Variants in ZNF561 observed in about 807,000 individuals in gnomAD.
The protein encoded by ZNF561 is zinc finger protein 561.
A neutral mutation model predicts 16.7 loss-of-function variants in ZNF561; 16 were observed. The observed-to-expected ratio is 0.96, with a 90% CI of 0.65 to 1.45. The LOEUF is 1.45. Among genes scored for constraint, ZNF561 ranks in the 40% most tolerant of loss-of-function variants. The pLI is 0.00. For synonymous variants in ZNF561, 190 were observed against 192.1 expected (o/e 0.99, Z 0.09); for missense variants, 580 against 578.0 (o/e 1.00, Z -0.04).
intron 4 of ZNF561, among the ~76,000 whole-genome samples, chr19:9,614,968 A>C (rs2074528206): frequency 6.6e-6 from 1 of 151,036 alleles, no homozygotes; most frequent in Non-Finnish European, 1.5e-5. Context: ...CCTCTTGACT[A>C]GCTGGGACTA....
In ZNF561 at chr19:9,618,134, T is replaced by A; in HGVS notation, c.71A>T (p.Lys24Met). The part of the protein sequence containing the change: ...EPICPFEEKT[K>M]VERMVEDYLA... ...GTAGTCCTCCACCATCCTTTCTACC[T>A]TTGTCTTTTCTTCAAAAGGGCAGAT... Residue 24 changes from lysine to methionine, a missense_variant, in exon 3 of 6, where the codon AAG becomes ATG. Coordinates refer to ENST00000302851, the MANE Select transcript of ZNF561 (RefSeq NM_152289.3). 6.4e-7 allele frequency: 1 copy of A among 1,551,278 alleles called. No individual in the cohort carries two copies. The highest frequency in any genetic ancestry group is 8.7e-7 in the Non-Finnish European group (1 of 1,146,672).
rs150871185 is a variant in ZNF561, at chr19:9,620,295, G to C, written c.-126-713C>G. Among the ~76,000 whole-genome samples, 227 of 152,102 alleles carry C rather than the reference G, an allele frequency of 1.5e-3. 4 individuals carry two copies. In the East Asian group the frequency reaches 0.028, roughly 19 times the overall value. ...AGTAGAGACGCAGTTTCGCCATATT[G>C]GCCAGGCTGGTCTTGAACTCCTGGC... On this transcript the variant is annotated intron_variant, in intron 1 of 5. Coordinates refer to ENST00000302851, the MANE Select transcript of ZNF561 (RefSeq NM_152289.3).
chr19:9,611,405 CAG>C, intron 5 of ZNF561, 69 bp from the exon 6 acceptor site: 2 of 1,439,582 alleles, frequency 1.4e-6, no homozygotes, highest in South Asian at 3.2e-5. Flanking sequence ...CATCTGAACA[CAG>C]AAGCATTTTG....
intron 4 of ZNF561, among the ~76,000 whole-genome samples, chr19:9,615,674 G>C (rs1280736434): frequency 6.6e-5 from 10 of 151,908 alleles, no homozygotes; most frequent in Non-Finnish European, 4.4e-5. Context: ...GGGAGGCCGA[G>C]GTGGGTGGAT....
At chr19:9,614,229 T>C (rs1038346650) in intron 4 of ZNF561, 126 bp from the exon 5 acceptor site, 58 of 1,211,348 alleles carry the variant, frequency 4.8e-5, no homozygotes, top group Non-Finnish European at 6.4e-5. Flanking sequence ...CTTGAGGATT[T>C]TGGTACATCA....
rs1568233359 is a variant in ZNF561 at position 9,614,055 on chromosome 19, A to G, written c.290T>C (p.Phe97Ser). Reference sequence around the variant, plus strand: ...CCCACTGAATATTTGATTCTTCAAAAAACCCTGCTGAAGTGATGACCGTTT... The same window carrying G: ...CCCACTGAATATTTGATTCTTCAAAGAACCCTGCTGAAGTGATGACCGTTT... ...RTKRSSLQQG[F>S]LKNQIFSGIQ... The change falls in exon 5 of 6, where the codon TTT becomes TCT. Residue 97 changes from phenylalanine (F) to serine (S), a missense_variant. Transcript: ENST00000302851. 2.5e-6 allele frequency: 4 copies of G among 1,614,108 alleles called. No individual in the cohort carries two copies. Among genetic ancestry groups the G allele is most frequent in the Non-Finnish European group, 3.4e-6 (4 of 1,179,990 alleles).
chr19:9,614,123 G>A lies in ZNF561; in HGVS notation c.242-20C>T. 3.1e-6 allele frequency: 5 copies of A among 1,612,268 alleles called. No homozygotes were observed. The highest frequency in any genetic ancestry group is 4.2e-6 in the Non-Finnish European group (5 of 1,178,738). On this transcript the variant is annotated intron_variant, in intron 4 of 5. Transcript: ENST00000302851. ...CCCATTCTAAAGTTAAGCAGAAAAAGAAACGTAAGGATTTAGAGAAGAAAT... is the reference window on the plus strand; with the variant it reads ...CCCATTCTAAAGTTAAGCAGAAAAAAAAACGTAAGGATTTAGAGAAGAAAT...
At position 9,619,258 on chromosome 19, in the gene ZNF561, A is replaced by AAAAT. The variant is rs551187542; in HGVS notation, c.25+170_25+173dup. 6.7e-3 allele frequency: 2,578 copies of AAAAT among 386,396 alleles called. 14 individuals are homozygous for AAAAT. Among genetic ancestry groups the AAAAT allele is most frequent in the African/African-American group, 0.019 (892 of 47,234 alleles). 23.9% of individuals were successfully genotyped at this position (386,396 alleles called of 1,614,324 possible). On this transcript the variant is annotated intron_variant, in intron 2 of 5. Coordinates refer to ENST00000302851, the MANE Select transcript of ZNF561 (RefSeq NM_152289.3). ...GGTGACGGAACAAGATTCTGTCTCA[A>AAAAT]AAATAAATAAATAAATAAATAAATA...
At chr19:9,614,840 CTT>C (rs779251988) in intron 4 of ZNF561, among the ~76,000 whole-genome samples, 16 of 137,460 alleles carry the variant, frequency 1.2e-4, no homozygotes, top group African/African-American at 8.0e-5. Context: ...CTTTAAAAAT[CTT>C]TTTTTTTTTT....
chr19:9,615,399 C>T (rs2074536048), intron 4 of ZNF561, among the ~76,000 whole-genome samples: 1 of 151,272 alleles, frequency 6.6e-6, no homozygotes, highest in Admixed American at 6.6e-5. Context: ...GAGTTTAAGA[C>T]CAGCCTGGCC....
At chr19:9,617,269 G>A (rs989972012) in intron 3 of ZNF561, 98 bp from the exon 4 acceptor site, 35 of 1,456,118 alleles carry the variant, frequency 2.4e-5, no homozygotes, top group Non-Finnish European at 3.2e-5. Context: ...CTTACACGTG[G>A]TTGTCAGGTC....
intron 5 of ZNF561, 25 bp from the exon 6 acceptor site, chr19:9,611,361 T>C: frequency 6.3e-7 from 1 of 1,575,974 alleles, no homozygotes; most frequent in Non-Finnish European, 8.6e-7. Flanking sequence ...ATAAAGGTTT[T>C]AAAACATTTT....
chr19:9,612,196 G>C (rs1315581898), intron 5 of ZNF561, among the ~76,000 whole-genome samples: 1 of 152,090 alleles, frequency 6.6e-6, no homozygotes, highest in Admixed American at 6.6e-5. Flanking sequence ...CCAAAGTGCT[G>C]AGATTACAGG....
rs781326652 is a variant in ZNF561 at position 9,610,510 on chromosome 19, G to A, written c.1151C>T (p.Thr384Ile). Reference protein sequence around the residue: ...FTTSTSLIQHTRIHTGEKPYE... With the variant: ...FTTSTSLIQHIRIHTGEKPYE... ...AGGCTTCTCTCCTGTGTGAATTCTT[G>A]TATGCTGAATAAGACTTGTGGATGT... The change falls in exon 6 of 6, where the codon ACA becomes ATA. Residue 384 changes from threonine (T) to isoleucine (I), a missense_variant. Physicochemically the swap from Thr to Ile is moderately conservative, Grantham distance 89. Coordinates refer to ENST00000302851, the MANE Select transcript of ZNF561 (RefSeq NM_152289.3). The A allele has an allele frequency of 1.9e-6, 3 of 1,613,932 alleles. No homozygotes were observed. The highest frequency in any genetic ancestry group is 2.5e-6 in the Non-Finnish European group (3 of 1,179,850).
chr19:9,613,768 C>T (rs112559298), intron 5 of ZNF561, among the ~76,000 whole-genome samples: 14,573 of 152,166 alleles, frequency 0.096, 948 homozygotes, highest in South Asian at 0.18. Context: ...CCACCCATCT[C>T]GGCCTCCCAA....
At position 9,619,432 on chromosome 19, in the gene ZNF561, C is replaced by A. The variant is rs1371379396; in HGVS notation, c.25G>T (p.Gly9Trp). 6.2e-7 allele frequency: 1 copy of A among 1,613,118 alleles called. No individual in the cohort carries two copies. Among genetic ancestry groups the A allele is most frequent in the African/African-American group, 1.3e-5 (1 of 74,892 alleles). The change falls in exon 2 of 6, where the codon GGG becomes TGG. Residue 9 changes from glycine to tryptophan, a missense_variant and splice_region_variant. Physicochemically the swap from Gly to Trp is radical, Grantham distance 184. Transcript: ENST00000302851. The stretch of plus-strand genomic sequence containing the variant: ...AAAAAGAGCATCAACAAAGACTTAC[C>A]ACGGGACAAATAAATGGCTGCCATT... Reference protein sequence around the residue: MAAIYLSRGFFSREPICPF... With the variant: MAAIYLSRWFFSREPICPF...
chr19:9,614,102 T>C lies in ZNF561; in HGVS notation c.243A>G (p.Glu81=), dbSNP rs149094871. Residue 81 remains glutamate, a splice_region_variant and synonymous_variant, in exon 5 of 6, where the codon GAA becomes GAG. Coordinates refer to ENST00000302851, the MANE Select transcript of ZNF561 (RefSeq NM_152289.3). ...LENYMNLASV[E]WEIQPRTKRS... ...GTTTGGTTCTAGGTTGTATTTCCCA[T>C]TCTAAAGTTAAGCAGAAAAAGAAAC... The C allele has an allele frequency of 6.2e-7, 1 of 1,613,834 alleles. No homozygotes were observed. The highest frequency in any genetic ancestry group is 1.3e-5 in the African/African-American group (1 of 74,918).
rs1276586153 is a variant in ZNF561 at position 9,607,520 on chromosome 19, AAACCT to A, written c.*2675_*2679del. 3.5e-4 allele frequency: 53 copies of A among 152,332 alleles called. No individual in the cohort carries two copies. The East Asian group carries it at 9.6e-3, about 28-fold the overall frequency. 9.4% of individuals were successfully genotyped at this position (152,332 alleles called of 1,614,324 possible). A position where few individuals can be genotyped will look rare whatever the true frequency, so the allele number is the denominator to read the frequency against. ...TCATGTAAAAACTGGATATAAAAAG[AAACCT>A]TTCCTGTAAGAGATTAGCCTCTTCA... is the stretch of plus-strand genomic sequence containing the variant. On this transcript the variant is annotated 3_prime_UTR_variant, in exon 6 of 6. Coordinates refer to ENST00000302851, the MANE Select transcript of ZNF561 (RefSeq NM_152289.3).
At chr19:9,615,602 A>G (rs2074539922) in intron 4 of ZNF561, among the ~76,000 whole-genome samples, 1 of 150,642 alleles carries the variant, frequency 6.6e-6, no homozygotes, top group South Asian at 2.1e-4. Context: ...TGTCACAAAA[A>G]TAATAAATAA....
Sources: gnomAD v4.1 joint callset for allele counts (sites outside exome capture counted in the v4.1 genomes callset) on GRCh38, gnomAD v4.1.1 for gene constraint, MANE v1.5 for transcripts, NCBI Gene and HGNC (gene_info 2026-07-23, HGNC 2026-07-21) for gene names.